YEATS2: variants seen among roughly 807,000 people sequenced by gnomAD.
The protein encoded by YEATS2 is YEATS domain containing 2, also known as YEATS domain-containing protein 2.
YEATS2 carries 77 observed loss-of-function variants against 163.2 expected under a neutral mutation model. That is an observed-to-expected ratio of 0.47 (90% CI 0.39 to 0.57). The LOEUF (loss-of-function observed/expected upper bound fraction) is 0.57, where lower values mean the gene tolerates loss of function less well. Ranked by LOEUF, YEATS2 falls within the 20% of genes least tolerant of loss-of-function variation. YEATS2 has a pLI of 0.00. For synonymous variants in YEATS2, 631 were observed against 645.1 expected (o/e 0.98, Z 0.33); for missense variants, 1,549 against 1,729.8 (o/e 0.90, Z 1.85).
Position 183,744,102 on chromosome 3 carries a change from C to CT in YEATS2, c.925-3542dup, listed in dbSNP as rs562807575. Among the ~76,000 whole-genome samples the CT allele has an allele frequency of 4.9e-3, 273 of 55,998 alleles. 23 individuals are homozygous for CT. Among genetic ancestry groups the CT allele is most frequent in the Non-Finnish European group, 5.3e-3 (178 of 33,654 alleles). The allele number at this position is 55,998 out of a possible 152,430, so 36.7% of individuals were successfully genotyped here. ...CTTAGAGGAAAGTCTTTTAGTTTTG[C>CT]TTTTTTTTTTTTTTTTTTTTTTTTT... On this transcript the variant is annotated intron_variant, in intron 8 of 30. Transcript: ENST00000305135.
chr3:183,699,966 A>C (rs1713886732), intron 1 of YEATS2, among the ~76,000 whole-genome samples: 2 of 152,208 alleles, frequency 1.3e-5, no homozygotes, highest in South Asian at 4.1e-4. Flanking sequence ...TTAGAAAAAA[A>C]GTGCCCCATT....
At chr3:183,758,099 C>G (rs1720952879) in intron 12 of YEATS2, among the ~76,000 whole-genome samples, 2 of 152,056 alleles carry the variant, frequency 1.3e-5, no homozygotes, top group South Asian at 4.2e-4. Context: ...GGCTCATGCC[C>G]ATAATCCCAG....
intron 3 of YEATS2, 90 bp downstream of exon 3, chr3:183,717,838 G>T (rs1200066373): frequency 1.0e-4 from 55 of 540,730 alleles, no homozygotes; most frequent in Admixed American, 1.2e-4. Context: ...TGGAGTCACA[G>T]TTTGCTTTAT....
In YEATS2 at chr3:183,798,025, A is replaced by G. The variant is rs570488066; in HGVS notation, c.3200A>G (p.Gln1067Arg). 1.9e-6 allele frequency: 3 copies of G among 1,614,112 alleles called. No homozygotes were observed. Among genetic ancestry groups the G allele is most frequent in the Non-Finnish European group, 2.5e-6 (3 of 1,179,964 alleles). ...PLSVNTSGGV[Q>R]TILMPVNKVV... is the part of the protein sequence containing the mutation. Reference sequence around the variant, plus strand: ...AGCGTAAACACATCTGGAGGGGTGCAGACGATCCTGATGCCTGTGAATAAA... The same window carrying G: ...AGCGTAAACACATCTGGAGGGGTGCGGACGATCCTGATGCCTGTGAATAAA... Residue 1067 changes from glutamine to arginine, a missense_variant, in exon 22 of 31, where the codon CAG (glutamine) becomes CGG (arginine). Transcript: ENST00000305135.
chr3:183,792,388 A>G (rs1280101475), intron 21 of YEATS2, among the ~76,000 whole-genome samples: 1 of 152,152 alleles, frequency 6.6e-6, no homozygotes, highest in Admixed American at 6.5e-5. Flanking sequence ...GAGTGAGAAC[A>G]TGCGGTGTGT....
chr3:183,727,075 A>C (rs1717184199), intron 6 of YEATS2, among the ~76,000 whole-genome samples: 1 of 152,228 alleles, frequency 6.6e-6, no homozygotes, highest in Non-Finnish European at 1.5e-5. Flanking sequence ...TGCTGAGATT[A>C]CAGGCATGAG....
chr3:183,757,495 TG>T (rs1468891202), intron 12 of YEATS2, among the ~76,000 whole-genome samples: 2 of 152,044 alleles, frequency 1.3e-5, no homozygotes, highest in East Asian at 3.9e-4. Context: ...TTCACCATGT[TG>T]GCCAGGCTGG....
chr3:183,730,745 A>G (rs1717695988), intron 7 of YEATS2, among the ~76,000 whole-genome samples: 1 of 152,092 alleles, frequency 6.6e-6, no homozygotes. Context: ...TTTTCTCTCT[A>G]CCATAACTCT....
intron 24 of YEATS2, 25 bp from the exon 25 acceptor site, chr3:183,801,430 C>T: frequency 6.4e-7 from 1 of 1,572,664 alleles, no homozygotes; most frequent in South Asian, 1.2e-5. Context: ...AATTTATTGC[C>T]TTAATTTTTT....
At chr3:183,788,007 AAT>A (rs935793597) in intron 20 of YEATS2, among the ~76,000 whole-genome samples, 2 of 152,128 alleles carry the variant, frequency 1.3e-5, no homozygotes, top group African/African-American at 4.8e-5. Flanking sequence ...CATCTCAAAA[AAT>A]ATATATAAAT....
intron 8 of YEATS2, among the ~76,000 whole-genome samples, chr3:183,740,678 A>G (rs191241986): frequency 6.6e-6 from 1 of 152,352 alleles, no homozygotes; most frequent in East Asian, 1.9e-4. Flanking sequence ...AGGTTTAAGG[A>G]AGGATGCCGT....
At chr3:183,719,720 A>T (rs1020657314) in intron 4 of YEATS2, among the ~76,000 whole-genome samples, 1 of 151,922 alleles carries the variant, frequency 6.6e-6, no homozygotes, top group African/African-American at 2.4e-5. Flanking sequence ...GCTGGAATGC[A>T]GTGGCTATTC....
chr3:183,784,568 T>C (rs1723872948), intron 19 of YEATS2, among the ~76,000 whole-genome samples: 1 of 152,208 alleles, frequency 6.6e-6, no homozygotes, highest in Non-Finnish European at 1.5e-5. Flanking sequence ...ACTCTGTTGA[T>C]AGTTTCTTTT....
intron 7 of YEATS2, among the ~76,000 whole-genome samples, chr3:183,733,887 C>G (rs984298370): frequency 1.4e-4 from 21 of 151,852 alleles, no homozygotes; most frequent in Non-Finnish European, 2.5e-4. Flanking sequence ...TAGATATGTG[C>G]TAGGCTCAGG....
intron 30 of YEATS2, chr3:183,810,237 T>C (rs1398190244): frequency 1.4e-5 from 6 of 441,862 alleles, no homozygotes; most frequent in Non-Finnish European, 1.6e-5. Flanking sequence ...TTCTTTCTCT[T>C]TTCTCAGTTC....
At chr3:183,731,816 C>G (rs1342512019) in intron 7 of YEATS2, among the ~76,000 whole-genome samples, 1 of 152,208 alleles carries the variant, frequency 6.6e-6, no homozygotes, top group East Asian at 1.9e-4. Flanking sequence ...ATCTGTGCCA[C>G]TCTGACAGTG....
intron 9 of YEATS2, among the ~76,000 whole-genome samples, chr3:183,751,145 T>C (rs1245944363): frequency 2.0e-5 from 3 of 152,234 alleles, no homozygotes; most frequent in East Asian, 1.9e-4. Flanking sequence ...AAGGGTCCGA[T>C]TGCATTCTTT....
In YEATS2 at chr3:183,762,132, C is replaced by T. The variant is rs1721426753; in HGVS notation, c.1800C>T (p.His600=). The change falls in exon 15 of 31, where the codon CAC becomes CAT. Residue 600 remains histidine, a synonymous_variant. Transcript: ENST00000305135. ...IIKQEPGEAP[H]VPATGAASQS... ...AACAGGAACCTGGTGAAGCCCCTCACGTGCCCGCAACAGGAGCTGCCAGCC... is the reference window on the plus strand; with the variant it reads ...AACAGGAACCTGGTGAAGCCCCTCATGTGCCCGCAACAGGAGCTGCCAGCC... The T allele has an allele frequency of 5.0e-6, 8 of 1,614,010 alleles. No homozygotes were observed. The highest frequency in any genetic ancestry group is 2.7e-5 in the African/African-American group (2 of 74,898).
chr3:183,805,965 C>T (rs558189015), intron 27 of YEATS2, among the ~76,000 whole-genome samples: 2 of 152,166 alleles, frequency 1.3e-5, no homozygotes, highest in African/African-American at 4.8e-5. Context: ...GATCCCCGGG[C>T]TTCACTGACA....
Sources: gnomAD v4.1 joint callset for allele counts (sites outside exome capture counted in the v4.1 genomes callset) on GRCh38, gnomAD v4.1.1 for gene constraint, MANE v1.5 for transcripts, NCBI Gene and HGNC (gene_info 2026-07-23, HGNC 2026-07-21) for gene names.